The following ASPG variants were observed in gnomAD, a reference collection of about 807,000 sequenced individuals.
ASPG encodes 60 kDa lysophospholipase.
Under a neutral mutation model 63.2 loss-of-function variants are expected in ASPG, and 53 were observed. That is an observed-to-expected ratio of 0.84 (90% CI 0.67 to 1.05). The LOEUF (loss-of-function observed/expected upper bound fraction) is 1.05. Among genes scored for constraint, ASPG ranks in the 50% least tolerant of loss-of-function variants. The pLI, the probability that ASPG is intolerant of heterozygous loss-of-function variation, is 0.00. For synonymous variants in ASPG, 370 were observed against 355.0 expected (o/e 1.04, Z -0.48); for missense variants, 741 against 794.4 (o/e 0.93, Z 0.81).
rs532395480 is a variant in ASPG, at chr14:104,105,380, G to A, written c.1103G>A (p.Arg368His). The change falls in exon 10 of 16, where the codon CGC becomes CAC. Residue 368 changes from arginine to histidine, a missense_variant. By Grantham distance (29) the Arg-to-His change is conservative. Transcript: ENST00000551177. The stretch of plus-strand genomic sequence containing the variant: ...ATGACGCCACCCTCGGTGGAAGAGC[G>A]CCGGCCCTCACTGCAGGGCAACACG... ...GEMTPPSVEE[R>H]RPSLQGNTLG... is the part of the protein sequence containing the mutation. The A allele has an allele frequency of 1.2e-6, 2 of 1,612,496 alleles. No homozygotes were observed. The highest frequency in any genetic ancestry group is 2.2e-5 in the East Asian group (1 of 44,860).
intron 1 of ASPG, among the ~76,000 whole-genome samples, chr14:104,087,610 C>T (rs1422714956): frequency 1.3e-5 from 2 of 152,168 alleles, no homozygotes; most frequent in East Asian, 1.9e-4. Context: ...CAGAGCTGCC[C>T]CCGAGTGGGG....
Position 104,110,301 on chromosome 14 carries a change from A to T in ASPG, c.1520+986A>T, listed in dbSNP as rs1173512206. On this transcript the variant is annotated intron_variant, in intron 13 of 15. Coordinates refer to ENST00000551177, the MANE Select transcript of ASPG (RefSeq NM_001080464.3). This position sits in a 1 kb window ranked among gnomAD's most constrained non-coding sequence, Gnocchi z 4.7. ...TGGGTGCAGGCGCCTGCCCAGCAGG[A>T]GGAGGACTAGCAGCTCTGGCTTCTC... 2.6e-5 allele frequency: 26 copies of T among 985,160 alleles called. No individual in the cohort carries two copies. Among genetic ancestry groups the T allele is most frequent in the Non-Finnish European group, 3.1e-5 (26 of 829,862 alleles). The allele number at this position is 985,160 out of a possible 1,614,324, so 61.0% of individuals were successfully genotyped here.
chr14:104,101,859 G>A (rs756746497), intron 6 of ASPG, among the ~76,000 whole-genome samples: 4 of 152,212 alleles, frequency 2.6e-5, no homozygotes, highest in Non-Finnish European at 4.4e-5. Flanking sequence ...CGTATCTGTA[G>A]AACAGGGCCA....
chr14:104,103,639 C>T lies in ASPG; in HGVS notation c.717C>T (p.Gly239=), dbSNP rs2036981401. The change falls in exon 7 of 16, where the codon GGC becomes GGT. Residue 239 remains glycine (G), a synonymous_variant. Coordinates refer to ENST00000551177, the MANE Select transcript of ASPG (RefSeq NM_001080464.3). ...ACAGCAGCATGGAGCAGGACGTGGG[C>T]CTGCTGCGCCTCTACCCTGGGATCC... The part of the protein sequence containing the change: ...VVHSSMEQDV[G]LLRLYPGIPA... 3 of 1,548,030 alleles carry T rather than the reference C, an allele frequency of 1.9e-6. No individual in the cohort carries two copies. Among genetic ancestry groups the T allele is most frequent in the South Asian group, 1.2e-5 (1 of 83,962 alleles).
At chr14:104,100,305 G>A (rs1463107434) in intron 6 of ASPG, among the ~76,000 whole-genome samples, 2 of 152,148 alleles carry the variant, frequency 1.3e-5, no homozygotes, top group Non-Finnish European at 2.9e-5. Flanking sequence ...CTCTGGGCAT[G>A]TCTGGCTGTG....
At chr14:104,104,255 C>T in intron 7 of ASPG, 49 bp from the exon 8 acceptor site, 1 of 1,558,810 alleles carries the variant, frequency 6.4e-7, no homozygotes. Context: ...CTCAGTGGTG[C>T]TGAGGGCAGA....
chr14:104,090,363 C>T (rs1036306667), intron 1 of ASPG, among the ~76,000 whole-genome samples: 1 of 152,246 alleles, frequency 6.6e-6, no homozygotes, highest in African/African-American at 2.4e-5. Flanking sequence ...CCCCCTCCAC[C>T]TTTCCCATAA....
At position 104,111,922 on chromosome 14, in the gene ASPG, A is replaced by T. The variant is rs752390811; in HGVS notation, c.1623A>T (p.Ala541=). 6.4e-6 allele frequency: 10 copies of T among 1,553,624 alleles called. No individual in the cohort carries two copies. The highest frequency in any genetic ancestry group is 8.7e-6 in the Non-Finnish European group (10 of 1,148,270). ...CCCTCCCCACTGCTTCCCCATAGGC[A>T]GAGGCAGCCGGGAACCTGGCAGTGG... The part of the protein sequence containing the change: ...GYDGHSALHV[A]EAAGNLAVVA... Residue 541 remains alanine, a splice_region_variant and synonymous_variant, in exon 15 of 16, where the codon GCA becomes GCT. Coordinates refer to ENST00000551177, the MANE Select transcript of ASPG (RefSeq NM_001080464.3).
Position 104,110,513 on chromosome 14 carries a change from GC to G in ASPG, c.1521-987del. The G allele has an allele frequency of 1.0e-6, 1 of 985,280 alleles. No homozygotes were observed. The highest frequency in any genetic ancestry group is 1.2e-6 in the Non-Finnish European group (1 of 829,862). 61.0% of individuals were successfully genotyped at this position (985,280 alleles called of 1,614,324 possible). A position where few individuals can be genotyped will look rare whatever the true frequency, so the allele number is the denominator to read the frequency against. On this transcript the variant is annotated intron_variant, in intron 13 of 15. Transcript: ENST00000551177. The surrounding 1 kb of genome is among the most constrained non-coding windows in gnomAD (Gnocchi z 4.7). ...CAGGACTCTGCTTGGAAGTGGCCTG[GC>G]CAGCCTGAGCTGCTGGCTGGACTTG...
intron 6 of ASPG, among the ~76,000 whole-genome samples, chr14:104,100,820 C>T (rs998807509): frequency 6.6e-5 from 10 of 152,200 alleles, no homozygotes; most frequent in African/African-American, 2.2e-4. Context: ...TGCTGGCACT[C>T]GGCCCCTCCA....
chr14:104,108,679 G>C (rs2037252948), intron 12 of ASPG: 4 of 985,290 alleles, frequency 4.1e-6, no homozygotes, highest in African/African-American at 1.7e-5. Flanking sequence ...CTCCTTGCTA[G>C]AGCCCCGACC....
At chr14:104,101,595 A>G (rs1771013) in intron 6 of ASPG, among the ~76,000 whole-genome samples, 130,525 of 151,700 alleles carry the variant, frequency 0.86, 56,428 homozygotes, top group South Asian at 0.91. Flanking sequence ...CTGAGCCCTG[A>G]CCCCGGCCCA....
chr14:104,111,789 G>C, intron 14 of ASPG, 131 bp from the exon 15 acceptor site: 2 of 1,022,112 alleles, frequency 2.0e-6, no homozygotes, highest in Non-Finnish European at 2.9e-6. Context: ...GGGGTGACGA[G>C]AGTGGAGGAG....
chr14:104,102,436 C>T (rs1269644716), intron 6 of ASPG, among the ~76,000 whole-genome samples: 1 of 152,170 alleles, frequency 6.6e-6, no homozygotes, highest in Admixed American at 6.5e-5. Context: ...CGGGGGTCCT[C>T]CTGCCCAGGT....
rs752738923 is a variant in ASPG at position 104,104,680 on chromosome 14, C to T, written c.995C>T (p.Ala332Val). The T allele has an allele frequency of 3.1e-6, 5 of 1,611,124 alleles. No homozygotes were observed. Among genetic ancestry groups the T allele is most frequent in the Non-Finnish European group, 4.2e-6 (5 of 1,178,896 alleles). ...GACATGACATCGGAGGCCGCCCTGG[C>T]CAAGCTATCGTATGTGCTGGGCCAG... is the stretch of plus-strand genomic sequence containing the variant. ...GFDMTSEAAL[A>V]KLSYVLGQPG... The change falls in exon 9 of 16, where the codon GCC becomes GTC. Residue 332 changes from alanine to valine, a missense_variant. Ala to Val is a moderately conservative substitution (Grantham distance 64). Coordinates refer to ENST00000551177, the MANE Select transcript of ASPG (RefSeq NM_001080464.3).
In ASPG at chr14:104,109,480, T is replaced by G. The variant is rs984817752; in HGVS notation, c.1520+165T>G. On this transcript the variant is annotated intron_variant, in intron 13 of 15. Transcript: ENST00000551177. This position sits in a 1 kb window ranked among gnomAD's most constrained non-coding sequence, Gnocchi z 4.8. ...CCAACCTGGCTGATGGGAAGAGGTG[T>G]CTACCCTGGACCATGTCATGGGGCA... 2.0e-5 allele frequency among the ~76,000 whole-genome samples: 3 copies of G among 152,040 alleles called. No individual in the cohort carries two copies. The highest frequency in any genetic ancestry group is 7.2e-5 in the African/African-American group (3 of 41,382).
chr14:104,104,192 C>T (rs1209459248), intron 7 of ASPG, 112 bp from the exon 8 acceptor site: 6 of 1,244,268 alleles, frequency 4.8e-6, no homozygotes, highest in South Asian at 1.5e-5. Flanking sequence ...GCAGAGCAGG[C>T]ACCAGCTGCC....
intron 10 of ASPG, among the ~76,000 whole-genome samples, chr14:104,105,805 G>T (rs1003819359): frequency 2.0e-5 from 3 of 152,178 alleles, no homozygotes; most frequent in African/African-American, 7.2e-5. Context: ...GAGCACCAGG[G>T]GTTCCAGGTG....
At chr14:104,101,700 G>A (rs879422440) in intron 6 of ASPG, among the ~76,000 whole-genome samples, 6 of 152,182 alleles carry the variant, frequency 3.9e-5, no homozygotes, top group Non-Finnish European at 7.4e-5. Flanking sequence ...GGGTCCTTAC[G>A]CTGGGTCACC....
Sources: gnomAD v4.1 joint callset for allele counts (sites outside exome capture counted in the v4.1 genomes callset) on GRCh38, gnomAD v4.1.1 for gene constraint, Gnocchi (gnomAD v3.1) non-coding constraint, MANE v1.5 for transcripts, NCBI Gene and HGNC (gene_info 2026-07-23, HGNC 2026-07-21) for gene names.